ATAD2B: variants seen among roughly 807,000 people sequenced by gnomAD.
ATAD2B encodes the protein ATPase family AAA domain containing 2B.
In ATAD2B, 40 loss-of-function variants were observed where a neutral mutation model predicts 167.6. The observed-to-expected ratio is 0.24, with a 90% CI of 0.19 to 0.31. ATAD2B has a LOEUF of 0.31. ATAD2B is among the 10% of genes least tolerant of loss of function. The pLI, the probability that ATAD2B is intolerant of heterozygous loss-of-function variation, is 1.00. For synonymous variants in ATAD2B, 579 were observed against 596.5 expected (o/e 0.97, Z 0.43); for missense variants, 1,242 against 1,757.2 (o/e 0.71, Z 5.24).
the ATAD2B span, among the ~76,000 whole-genome samples, chr2:23,714,717 T>C: frequency 2.0e-5 from 3 of 151,808 alleles, no homozygotes; most frequent in Admixed American, 1.3e-4. Flanking sequence ...TAGCTGGGCA[T>C]AGTGGTACAT....
intron 26 of ATAD2B, among the ~76,000 whole-genome samples, 161 bp from the exon 27 acceptor site, chr2:23,754,468 T>C (rs1455995681): frequency 6.6e-6 from 1 of 152,208 alleles, no homozygotes. Context: ...TTAGAATATC[T>C]TGGACTACTC....
At chr2:23,698,727 T>C in the ATAD2B span, among the ~76,000 whole-genome samples, 1 of 152,178 alleles carries the variant, frequency 6.6e-6, no homozygotes, top group Non-Finnish European at 1.5e-5. Flanking sequence ...ACTGGATAAA[T>C]GATAGCAGAA....
intron 9 of ATAD2B, among the ~76,000 whole-genome samples, chr2:23,868,917 T>C (rs778520811): frequency 1.3e-5 from 2 of 152,344 alleles, no homozygotes; most frequent in South Asian, 2.1e-4. Flanking sequence ...TATAAAAATA[T>C]ATTATCAAAG....
intron 15 of ATAD2B, among the ~76,000 whole-genome samples, chr2:23,827,286 T>G (rs552857186): frequency 6.6e-6 from 1 of 152,032 alleles, no homozygotes; most frequent in Non-Finnish European, 1.5e-5. Flanking sequence ...AATTATACCA[T>G]GAAAATTTTA....
chr2:23,847,437 G>A (rs1010011636), intron 13 of ATAD2B, among the ~76,000 whole-genome samples: 8 of 151,956 alleles, frequency 5.3e-5, no homozygotes, highest in South Asian at 2.1e-4. Context: ...CCTGGGAGGC[G>A]GAGGTTGCCA....
In ATAD2B at chr2:23,849,563, G is replaced by A. The variant is rs907889605; in HGVS notation, c.1568+7852C>T. ...GAAAACAAAAGAGGCCAGACACAGT[G>A]GCTCACGCCTGTAATCCCAGCACTG... On this transcript the variant is annotated intron_variant, in intron 13 of 27. Transcript: ENST00000238789. Among the ~76,000 whole-genome samples the A allele has an allele frequency of 1.6e-3, 248 of 152,344 alleles. 2 individuals are homozygous for A. Among genetic ancestry groups the A allele is most frequent in the Non-Finnish European group, 6.3e-4 (43 of 68,032 alleles).
At chr2:23,886,481 T>C (rs900450661) in intron 4 of ATAD2B, among the ~76,000 whole-genome samples, 2 of 152,140 alleles carry the variant, frequency 1.3e-5, no homozygotes, top group African/African-American at 4.8e-5. Context: ...GTATTAAGAA[T>C]AACTTGTACA....
intron 4 of ATAD2B, among the ~76,000 whole-genome samples, chr2:23,886,653 C>T (rs1327027385): frequency 4.6e-5 from 7 of 152,038 alleles, no homozygotes; most frequent in African/African-American, 4.8e-5. Context: ...CATGCTAGGC[C>T]GGGAGCGGTG....
chr2:23,710,145 G>C, the ATAD2B span, among the ~76,000 whole-genome samples: 39 of 150,008 alleles, frequency 2.6e-4, no homozygotes, highest in African/African-American at 9.5e-4. Flanking sequence ...GCCAAAATAA[G>C]AAGAGAACAG....
chr2:23,847,245 C>A (rs1053427760), intron 13 of ATAD2B, among the ~76,000 whole-genome samples: 1 of 149,606 alleles, frequency 6.7e-6, no homozygotes, highest in African/African-American at 2.5e-5. Context: ...TTGGCTCATG[C>A]CTGTAATCCC....
intron 1 of ATAD2B, among the ~76,000 whole-genome samples, chr2:23,908,687 C>T (rs35206932): frequency 0.34 from 49,855 of 148,018 alleles, 9,972 homozygotes; most frequent in East Asian, 0.62. Flanking sequence ...CACATGCACG[C>T]GTATGTTTAT....
chr2:23,869,467 G>GT (rs1385166636), intron 9 of ATAD2B, among the ~76,000 whole-genome samples, 196 bp downstream of exon 9: 1 of 152,072 alleles, frequency 6.6e-6, no homozygotes, highest in Non-Finnish European at 1.5e-5. Flanking sequence ...TTATTTTATC[G>GT]TAAGTACTTT....
At chr2:23,742,578 T>C in the ATAD2B span, among the ~76,000 whole-genome samples, 17 of 137,274 alleles carry the variant, frequency 1.2e-4, no homozygotes, top group African/African-American at 4.5e-4. Context: ...GGGGGAGGGA[T>C]AGCATTAGGA....
the ATAD2B span, among the ~76,000 whole-genome samples, chr2:23,738,174 A>T: frequency 6.6e-6 from 1 of 152,240 alleles, no homozygotes; most frequent in African/African-American, 2.4e-5. Context: ...GCAGGCCAAC[A>T]TTCAGATTCA....
chr2:23,828,603 G>A (rs568962670), intron 15 of ATAD2B, among the ~76,000 whole-genome samples: 2 of 152,270 alleles, frequency 1.3e-5, no homozygotes, highest in African/African-American at 4.8e-5. Context: ...TGGATACCCA[G>A]CACTCAATGA....
At chr2:23,732,673 A>C in the ATAD2B span, among the ~76,000 whole-genome samples, 24 of 152,304 alleles carry the variant, frequency 1.6e-4, no homozygotes, top group Admixed American at 2.0e-4. Context: ...ACAACAGCCC[A>C]CTGTACCCCC....
the ATAD2B span, among the ~76,000 whole-genome samples, chr2:23,678,790 C>G: frequency 6.6e-6 from 1 of 152,130 alleles, no homozygotes; most frequent in African/African-American, 2.4e-5. Flanking sequence ...GGACATTATG[C>G]TAGGTGAAAT....
intron 1 of ATAD2B, among the ~76,000 whole-genome samples, chr2:23,916,779 C>T (rs1323214922): frequency 1.3e-5 from 2 of 152,126 alleles, no homozygotes; most frequent in Non-Finnish European, 2.9e-5. Context: ...GTGCTTTTGG[C>T]CCCTCTCTAA....
chr2:23,706,932 G>A, the ATAD2B span: 260 of 346,086 alleles, frequency 7.5e-4, 3 homozygotes, highest in South Asian at 0.011. Flanking sequence ...GCTCTGCCAG[G>A]TGCAATAGAG....
Sources: gnomAD v4.1 joint callset for allele counts (sites outside exome capture counted in the v4.1 genomes callset) on GRCh38, gnomAD v4.1.1 for gene constraint, MANE v1.5 for transcripts, NCBI Gene and HGNC (gene_info 2026-07-23, HGNC 2026-07-21) for gene names.